The following NETO1 variants were observed in gnomAD, a reference collection of about 807,000 sequenced individuals.
NETO1 encodes neuropilin and tolloid like 1.
A neutral mutation model predicts 61.3 loss-of-function variants in NETO1; 26 were observed. That is an observed-to-expected ratio of 0.42 (90% CI 0.31 to 0.59). The LOEUF is 0.59. Ranked by LOEUF, NETO1 falls within the 20% of genes least tolerant of loss-of-function variation. The probability of loss-of-function intolerance (pLI) is 0.12; values close to 1 mark genes in which losing one functional copy is unlikely to be tolerated. For missense variants in NETO1, 531 were observed against 662.8 expected (o/e 0.80, Z 2.18); for synonymous variants, 225 against 225.8 (o/e 1.00, Z 0.03).
chr18:72,745,879 A>C lies in NETO1; in HGVS notation c.*2300T>G, dbSNP rs2070420828. 1 of 152,176 alleles carries C rather than the reference A, an allele frequency of 6.6e-6. No individual in the cohort carries two copies. Among genetic ancestry groups the C allele is most frequent in the Non-Finnish European group, 1.5e-5 (1 of 68,034 alleles). 9.4% of individuals were successfully genotyped at this position (152,176 alleles called of 1,614,324 possible). ...ATTAGTCTGTGTCTGTACATTGTTG[A>C]GAAATTTTAGAGTTATCACTGAGGA... On this transcript the variant is annotated 3_prime_UTR_variant, in exon 11 of 11. Transcript: ENST00000327305.
At chr18:72,823,970 G>A (rs572493048) in intron 4 of NETO1, among the ~76,000 whole-genome samples, 1 of 152,264 alleles carries the variant, frequency 6.6e-6, no homozygotes, top group South Asian at 2.1e-4. Flanking sequence ...CCACTGGAGG[G>A]GCTTGTAAAG....
chr18:72,750,613 C>T lies in NETO1; in HGVS notation c.990G>A (p.Arg330=), dbSNP rs2070568699. 5.0e-6 allele frequency: 8 copies of T among 1,603,826 alleles called. No homozygotes were observed. Among genetic ancestry groups the T allele is most frequent in the Non-Finnish European group, 6.8e-6 (8 of 1,178,044 alleles). ...TCAGCTGGTCCAGCAGGCTGGTTTT[C>T]CTCTTCTCTATAGGTTGGAGAGAGT... ...PWDENHCKEK[R]KTSLLDQLTN... is the part of the protein sequence containing the mutation. Residue 330 remains arginine (R), a synonymous_variant, in exon 9 of 11, where the codon AGG becomes AGA. Transcript: ENST00000327305.
chr18:72,845,761 A>G (rs1015650244), intron 4 of NETO1, among the ~76,000 whole-genome samples: 1 of 152,250 alleles, frequency 6.6e-6, no homozygotes, highest in Admixed American at 6.5e-5. Flanking sequence ...AGAATATTTC[A>G]TCCAAACCAT....
chr18:72,856,483 C>T (rs914653403), intron 4 of NETO1, among the ~76,000 whole-genome samples: 1 of 152,092 alleles, frequency 6.6e-6, no homozygotes, highest in African/African-American at 2.4e-5. Context: ...CAACAGCTAT[C>T]GATAGTTGAG....
chr18:72,817,184 G>T (rs544321095), intron 4 of NETO1, among the ~76,000 whole-genome samples: 1 of 152,178 alleles, frequency 6.6e-6, no homozygotes, highest in South Asian at 2.1e-4. Flanking sequence ...TCTGACACTA[G>T]ACATGGCGGT....
At chr18:72,833,151 C>T (rs954659961) in intron 4 of NETO1, among the ~76,000 whole-genome samples, 1 of 152,182 alleles carries the variant, frequency 6.6e-6, no homozygotes, top group Non-Finnish European at 1.5e-5. Context: ...ATCGGTAGAA[C>T]TGGAGGAAAC....
chr18:72,841,538 G>A (rs2073930978), intron 4 of NETO1, among the ~76,000 whole-genome samples: 1 of 151,824 alleles, frequency 6.6e-6, no homozygotes, highest in African/African-American at 2.4e-5. Context: ...TTTGAGACCA[G>A]TCTGGCCAAC....
chr18:72,801,337 C>A (rs1412812269), intron 4 of NETO1, among the ~76,000 whole-genome samples: 4 of 152,056 alleles, frequency 2.6e-5, no homozygotes, highest in Admixed American at 1.3e-4. Context: ...ATTCTATGAG[C>A]CCAGGAGTGT....
chr18:72,754,757 G>A (rs2070732542), intron 8 of NETO1, among the ~76,000 whole-genome samples: 1 of 152,144 alleles, frequency 6.6e-6, no homozygotes, highest in African/African-American at 2.4e-5. Context: ...TTCAATAATG[G>A]ATAAAACATA....
intron 4 of NETO1, among the ~76,000 whole-genome samples, chr18:72,824,710 C>CAAAA (rs10694713): frequency 1.6e-3 from 233 of 144,526 alleles, no homozygotes; most frequent in Admixed American, 2.2e-3. Context: ...ACTTAAAATA[C>CAAAA]AAAAAAAAAA....
At chr18:72,821,288 A>G (rs1345710089) in intron 4 of NETO1, among the ~76,000 whole-genome samples, 1 of 148,594 alleles carries the variant, frequency 6.7e-6, no homozygotes, top group Admixed American at 6.7e-5. Context: ...CATGCCTGTA[A>G]TCTCAGCACA....
chr18:72,772,792 GTTCTCTCTCTCT>G (rs2071402511), intron 7 of NETO1, among the ~76,000 whole-genome samples: 7 of 40,672 alleles, frequency 1.7e-4, no homozygotes, highest in Non-Finnish European at 2.9e-4. Flanking sequence ...TCTCTATATA[GTTCTCTCTCTCT>G]CTCTCTCTCT....
At chr18:72,773,709 C>T (rs754256400) in intron 7 of NETO1, among the ~76,000 whole-genome samples, 23 of 152,054 alleles carry the variant, frequency 1.5e-4, no homozygotes, top group Non-Finnish European at 3.1e-4. Context: ...AGGTGCCTTC[C>T]GCCATGATTG....
chr18:72,847,238 T>G (rs532625873), intron 4 of NETO1, among the ~76,000 whole-genome samples: 9 of 152,366 alleles, frequency 5.9e-5, no homozygotes, highest in Non-Finnish European at 1.2e-4. Context: ...GCACATGCCC[T>G]GCTGATTGTG....
intron 4 of NETO1, among the ~76,000 whole-genome samples, chr18:72,841,611 G>A (rs527453197): frequency 1.3e-5 from 2 of 151,836 alleles, no homozygotes; most frequent in South Asian, 2.1e-4. Flanking sequence ...GTGTGCGCCT[G>A]TAGTCCCAGC....
rs574511728 is a variant in NETO1 at position 72,750,342 on chromosome 18, G to T, written c.1261C>A (p.Arg421=). The change falls in exon 9 of 11, where the codon CGG becomes AGG. Residue 421 remains arginine (R), a synonymous_variant. Coordinates refer to ENST00000327305, the MANE Select transcript of NETO1 (RefSeq NM_138966.5). Reference sequence around the variant, plus strand: ...TGAATGCATTTGGAAGATGACCTCCGCAGTTTATGGTAATTTTCAAAGTCA... The same window carrying T: ...TGAATGCATTTGGAAGATGACCTCCTCAGTTTATGGTAATTTTCAAAGTCA... ...ADDFENYHKL[R]RSSSKCIHDH... 6.2e-7 allele frequency: 1 copy of T among 1,614,044 alleles called. No homozygotes were observed.
intron 3 of NETO1, among the ~76,000 whole-genome samples, chr18:72,862,768 A>C (rs1047337107): frequency 9.9e-5 from 15 of 151,718 alleles, no homozygotes; most frequent in Admixed American, 7.9e-4. Context: ...CTACAGGTGC[A>C]CGCCACCACG....
intron 4 of NETO1, among the ~76,000 whole-genome samples, chr18:72,802,015 G>A (rs978370045): frequency 6.6e-6 from 1 of 151,926 alleles, no homozygotes; most frequent in Admixed American, 6.6e-5. Context: ...AAACAAACCT[G>A]TAAATAAAAA....
At chr18:72,812,369 T>G (rs2145213906) in intron 4 of NETO1, among the ~76,000 whole-genome samples, 1 of 152,326 alleles carries the variant, frequency 6.6e-6, no homozygotes, top group Non-Finnish European at 1.5e-5. Context: ...AACATTTATT[T>G]ACCACTTCAG....
Sources: gnomAD v4.1 joint callset for allele counts (sites outside exome capture counted in the v4.1 genomes callset) on GRCh38, gnomAD v4.1.1 for gene constraint, MANE v1.5 for transcripts, NCBI Gene and HGNC (gene_info 2026-07-23, HGNC 2026-07-21) for gene names.